Variants in RPS27A observed in about 807,000 individuals in gnomAD.
RPS27A encodes ubiquitin-ribosomal protein eS31 fusion protein.
In RPS27A, 1 loss-of-function variant was observed where a neutral mutation model predicts 18.9. The ratio of observed to expected loss-of-function variants is 0.05; its 90% CI spans 0.02 to 0.25. RPS27A has a LOEUF of 0.25. RPS27A is among the 10% of genes least tolerant of loss of function. The pLI, the probability that RPS27A is intolerant of heterozygous loss-of-function variation, is 1.00. For synonymous variants in RPS27A, 77 were observed against 63.7 expected (o/e 1.21, Z -0.99); for missense variants, 123 against 187.4 (o/e 0.66, Z 2.01).
intron 3 of RPS27A, chr2:55,233,669 G>C: frequency 1.9e-6 from 1 of 524,856 alleles, no homozygotes; most frequent in East Asian, 3.5e-5. Context: ...CTCCTCTGTC[G>C]CCCAGGCTGG....
At chr2:55,232,651 G>C, upstream of RPS27A, 1 of 699,356 alleles carries the variant, frequency 1.4e-6, no homozygotes, top group South Asian at 1.5e-5. Context: ...TTCGGCGGGA[G>C]CTCCGGGAAA....
In RPS27A at chr2:55,235,782, T is replaced by C. The variant is rs1277425173; in HGVS notation, c.*205T>C. 3.3e-6 allele frequency: 2 copies of C among 611,444 alleles called. No homozygotes were observed. 37.9% of individuals were successfully genotyped at this position (611,444 alleles called of 1,614,324 possible). ...CAGGTGCCAACCACTTGTAAAGGTC[T>C]TGATATTTTCAATTCTTAGACTACC... On this transcript the variant is annotated 3_prime_UTR_variant, in exon 6 of 6. Transcript: ENST00000272317.
Position 55,232,710 on chromosome 2 carries a change from T to A in RPS27A, c.-18+2T>A, listed in dbSNP as rs573092663. ...TTCCTTTTCGATCCGCCATCTGCGG[T>A]GGGTGTCTGCACTTCGGCTGCTCTC... On this transcript the variant is annotated splice_donor_variant, in intron 1 of 5. Transcript: ENST00000272317. LOFTEE classifies it low-confidence loss of function (5UTR_SPLICE). 1.1e-6 allele frequency: 1 copy of A among 912,420 alleles called. No individual in the cohort carries two copies. The highest frequency in any genetic ancestry group is 2.6e-5 in the East Asian group (1 of 38,774). 56.5% of individuals were successfully genotyped at this position (912,420 alleles called of 1,614,324 possible).
In RPS27A at chr2:55,234,233, TA is replaced by T. The variant is rs112330410; in HGVS notation, c.189+39del. 7.7e-3 allele frequency: 10,645 copies of T among 1,377,092 alleles called. 26 individuals carry two copies. Among genetic ancestry groups the T allele is most frequent in the African/African-American group, 0.011 (797 of 69,434 alleles). 85.3% of individuals were successfully genotyped at this position (1,377,092 alleles called of 1,614,324 possible). A position where few individuals can be genotyped will look rare whatever the true frequency, so the allele number is the denominator to read the frequency against. ...TGTCTAGGGGAAGAGCAGCCTCTTT[TA>T]AAAAAAAAATGTTATTTTGGAAATT... On this transcript the variant is annotated intron_variant, in intron 4 of 5. Transcript: ENST00000272317.
upstream of RPS27A, chr2:55,231,931 G>A (rs1307924433): frequency 1.3e-5 from 2 of 152,216 alleles, no homozygotes; most frequent in Non-Finnish European, 2.9e-5. Flanking sequence ...TAGGCTGGGA[G>A]AGACTCGGCG....
At position 55,233,465 on chromosome 2, in the gene RPS27A, G is replaced by A. The variant is rs576810039; in HGVS notation, c.103+48G>A. 6 of 1,432,446 alleles carry A rather than the reference G, an allele frequency of 4.2e-6. No homozygotes were observed. In the South Asian group the frequency reaches 5.7e-5, roughly 14 times the overall value. 88.7% of individuals were successfully genotyped at this position (1,432,446 alleles called of 1,614,324 possible). A position where few individuals can be genotyped will look rare whatever the true frequency, so the allele number is the denominator to read the frequency against. On this transcript the variant is annotated intron_variant, in intron 3 of 5. Transcript: ENST00000272317. ...GAAAACTTAACCTGCGGAGACTTCGGCCTACCTGTAGGTGCTAGACATACC... is the reference window on the plus strand; with the variant it reads ...GAAAACTTAACCTGCGGAGACTTCGACCTACCTGTAGGTGCTAGACATACC...
At chr2:55,235,180 C>T (rs1229550536) in intron 5 of RPS27A, 17 of 704,840 alleles carry the variant, frequency 2.4e-5, no homozygotes, top group East Asian at 1.3e-4. Context: ...AGTTTAAAGT[C>T]GGGTTTGGGT....
At chr2:55,234,776 G>A (rs1675707706) in intron 4 of RPS27A, 55 bp from the exon 5 acceptor site, 2 of 1,602,732 alleles carry the variant, frequency 1.2e-6, no homozygotes, top group Non-Finnish European at 1.7e-6. Context: ...CATAATGTTG[G>A]GTGTGCCCAT....
chr2:55,233,972 A>G, intron 3 of RPS27A, 147 bp from the exon 4 acceptor site: 3 of 704,992 alleles, frequency 4.3e-6, no homozygotes, highest in South Asian at 1.5e-5. Flanking sequence ...TGTGACATGT[A>G]AAGATTTAGA....
chr2:55,235,797 CT>C lies in RPS27A; in HGVS notation c.*222del. 1 of 592,040 alleles carries C rather than the reference CT, an allele frequency of 1.7e-6. No homozygotes were observed. Among genetic ancestry groups the C allele is most frequent in the Non-Finnish European group, 3.0e-6 (1 of 333,038 alleles). The allele number at this position is 592,040 out of a possible 1,614,324, so 36.7% of individuals were successfully genotyped here. A position where few individuals can be genotyped will look rare whatever the true frequency, so the allele number is the denominator to read the frequency against. ...TGTAAAGGTCTTGATATTTTCAATT[CT>C]TAGACTACCTATACTTTGGCAGAAG... On this transcript the variant is annotated 3_prime_UTR_variant, in exon 6 of 6. Transcript: ENST00000272317.
At chr2:55,235,002 C>T in intron 5 of RPS27A, 40 bp downstream of exon 5, 4 of 1,606,858 alleles carry the variant, frequency 2.5e-6, no homozygotes, top group South Asian at 2.2e-5. Flanking sequence ...AAAGTCTTGG[C>T]TTATTTGGAA....
intron 5 of RPS27A, 99 bp from the exon 6 acceptor site, chr2:55,235,329 C>A: frequency 1.5e-6 from 2 of 1,317,054 alleles, no homozygotes; most frequent in South Asian, 1.2e-5. Context: ...CCAAAACCAC[C>A]AGTATTACAC....
Position 55,235,597 on chromosome 2 carries a change from A to ACAT in RPS27A, c.*21_*23dup. 2 of 1,598,358 alleles carry ACAT rather than the reference A, an allele frequency of 1.3e-6. No individual in the cohort carries two copies. Among genetic ancestry groups the ACAT allele is most frequent in the South Asian group, 2.2e-5 (2 of 90,988 alleles). ...AAGTAACTGTATGAGTTAATAAAAG[A>ACAT]CATGAACTAACATTTATTGTTGGGT... On this transcript the variant is annotated 3_prime_UTR_variant, in exon 6 of 6. Transcript: ENST00000272317.
intron 5 of RPS27A, 62 bp downstream of exon 5, chr2:55,235,024 T>TA (rs1675718901): frequency 1.3e-6 from 2 of 1,563,948 alleles, no homozygotes. Flanking sequence ...ACTTAATCTT[T>TA]ATAGTACTTG....
upstream of RPS27A, chr2:55,232,625 C>G: frequency 1.5e-6 from 1 of 653,642 alleles, no homozygotes. Context: ...GGTGTGGTCG[C>G]CTAAGGGGTG....
At chr2:55,232,906 C>T (rs1675551240) in intron 2 of RPS27A, 34 bp downstream of exon 2, 1 of 1,566,816 alleles carries the variant, frequency 6.4e-7, no homozygotes, top group Non-Finnish European at 8.8e-7. Context: ...AAGCCAAGGT[C>T]CGAATAAGGT....
chr2:55,234,318 G>A (rs1675682844), intron 4 of RPS27A, 114 bp downstream of exon 4: 1 of 770,686 alleles, frequency 1.3e-6, no homozygotes, highest in Non-Finnish European at 2.3e-6. Context: ...GGAGTGAGTG[G>A]CGCAGTCACT....
upstream of RPS27A, chr2:55,232,163 G>C (rs1219172203): frequency 6.3e-6 from 1 of 157,854 alleles, no homozygotes; most frequent in East Asian, 1.9e-4. Context: ...CTTAACATTT[G>C]CTCTAGTCAC....
chr2:55,233,471 C>T (rs759974038), intron 3 of RPS27A, 54 bp downstream of exon 3: 26 of 1,229,382 alleles, frequency 2.1e-5, no homozygotes, highest in Non-Finnish European at 2.9e-5. Context: ...TTCGGCCTAC[C>T]TGTAGGTGCT....
Sources: allele counts gnomAD v4.1 joint callset, GRCh38; gene constraint gnomAD v4.1.1; transcripts MANE v1.5; gene names NCBI Gene and HGNC (gene_info 2026-07-23, HGNC 2026-07-21).